SORCS3: variants seen among roughly 807,000 people sequenced by gnomAD.
SORCS3 encodes the protein VPS10 domain-containing receptor SorCS3.
A neutral mutation model predicts 146.3 loss-of-function variants in SORCS3; 57 were observed. The observed-to-expected ratio is 0.39, with a 90% CI of 0.31 to 0.49. The LOEUF (loss-of-function observed/expected upper bound fraction) is 0.49, where lower values mean the gene tolerates loss of function less well. SORCS3 is among the 20% of genes least tolerant of loss of function. SORCS3 has a pLI of 0.92. For missense variants in SORCS3, 1,341 were observed against 1,575.5 expected, an observed-to-expected ratio of 0.85 and a Z score of 2.52; for synonymous variants, 653 against 618.5, an observed-to-expected ratio of 1.06 and a Z score of -0.83.
At position 104,878,099 on chromosome 10, in the gene SORCS3, T is replaced by C. The variant is rs1217106923; in HGVS notation, c.695+35240T>C. ...ATTTGTTTATGAAATTCTTTTTTTTTTCCATTAGCTCAGGAACAAGAATGT... is the reference window on the plus strand; with the variant it reads ...ATTTGTTTATGAAATTCTTTTTTTTCTCCATTAGCTCAGGAACAAGAATGT... On this transcript the variant is annotated intron_variant, in intron 2 of 26. Transcript: ENST00000369701. Among the ~76,000 whole-genome samples, 4 of 152,168 alleles carry C rather than the reference T, an allele frequency of 2.6e-5. No homozygotes were observed. In the South Asian group the frequency reaches 8.3e-4, roughly 32 times the overall value.
intron 7 of SORCS3, among the ~76,000 whole-genome samples, chr10:105,108,489 G>A (rs1339206876): frequency 1.3e-5 from 2 of 152,118 alleles, no homozygotes; most frequent in Admixed American, 1.3e-4. Context: ...TGATAGAAAA[G>A]AGAAACCATC....
At chr10:104,745,908 G>T (rs866367746) in intron 1 of SORCS3, among the ~76,000 whole-genome samples, 3 of 152,060 alleles carry the variant, frequency 2.0e-5, no homozygotes, top group Non-Finnish European at 4.4e-5. Context: ...AAATGGCAGG[G>T]TTTCCTCTTT....
intron 2 of SORCS3, among the ~76,000 whole-genome samples, chr10:104,911,668 C>T (rs1192065157): frequency 1.3e-5 from 2 of 152,130 alleles, no homozygotes; most frequent in African/African-American, 4.8e-5. Context: ...CATAAGGGAC[C>T]TTAGGATTAT....
rs1269733145 is a variant in SORCS3, at chr10:104,650,545, A to G, written c.627+8591A>G. Among the ~76,000 whole-genome samples, 6 of 152,356 alleles carry G rather than the reference A, an allele frequency of 3.9e-5. No homozygotes were observed. The East Asian group carries it at 9.6e-4, about 24-fold the overall frequency. On this transcript the variant is annotated intron_variant, in intron 1 of 26. Coordinates refer to ENST00000369701, the MANE Select transcript of SORCS3 (RefSeq NM_014978.3). Reference sequence around the variant, plus strand: ...CAGTTAGATACTCAGACCATTAATGACCAAACTAACACTCTACAAATAGAT... The same window carrying G: ...CAGTTAGATACTCAGACCATTAATGGCCAAACTAACACTCTACAAATAGAT...
At position 104,857,138 on chromosome 10, in the gene SORCS3, G is replaced by A. The variant is rs536285001; in HGVS notation, c.695+14279G>A. Among the ~76,000 whole-genome samples, 44 of 150,332 alleles carry A rather than the reference G, an allele frequency of 2.9e-4. 1 individual carries two copies. In the South Asian group the frequency reaches 6.4e-3, roughly 22 times the overall value. ...AAGGAGTATAGTCAGATTAAATTCAGGAGGAGAGAATGTTCAGGGAAAATC... is the reference window on the plus strand; with the variant it reads ...AAGGAGTATAGTCAGATTAAATTCAAGAGGAGAGAATGTTCAGGGAAAATC... On this transcript the variant is annotated intron_variant, in intron 2 of 26. Coordinates refer to ENST00000369701, the MANE Select transcript of SORCS3 (RefSeq NM_014978.3).
chr10:104,985,586 G>C (rs1324233435), intron 4 of SORCS3, among the ~76,000 whole-genome samples: 1 of 152,032 alleles, frequency 6.6e-6, no homozygotes, highest in African/African-American at 2.4e-5. Context: ...AATTTACTTT[G>C]CCCAGATCCA....
intron 1 of SORCS3, chr10:104,822,156 C>G (rs1042243733): frequency 3.9e-6 from 2 of 509,204 alleles, no homozygotes; most frequent in Non-Finnish European, 7.8e-6. Context: ...GTTTCTGTAT[C>G]TGTATCTGAC....
chr10:105,093,080 T>A (rs1442784201), intron 6 of SORCS3, among the ~76,000 whole-genome samples: 1 of 152,204 alleles, frequency 6.6e-6, no homozygotes, highest in East Asian at 1.9e-4. Flanking sequence ...TCCTAAGGTA[T>A]CCATAAGAAA....
intron 1 of SORCS3, among the ~76,000 whole-genome samples, chr10:104,778,408 C>T (rs2017337349): frequency 6.6e-6 from 1 of 152,180 alleles, no homozygotes; most frequent in Non-Finnish European, 1.5e-5. Flanking sequence ...TTTGCCTATT[C>T]AGATAAATCT....
chr10:105,190,650 C>T (rs528743744), intron 14 of SORCS3, among the ~76,000 whole-genome samples: 4 of 152,152 alleles, frequency 2.6e-5, no homozygotes, highest in African/African-American at 9.7e-5. Context: ...GATCTGCCCA[C>T]CTCGGCCTCC....
At chr10:104,949,318 AAG>A (rs1486496875) in intron 3 of SORCS3, among the ~76,000 whole-genome samples, 5 of 152,192 alleles carry the variant, frequency 3.3e-5, no homozygotes, top group African/African-American at 1.2e-4. Flanking sequence ...GCCATGGGGA[AAG>A]AGAAATAGTT....
At position 105,111,614 on chromosome 10, in the gene SORCS3, C is replaced by T. The variant is rs148250163; in HGVS notation, c.1212+6099C>T. Among the ~76,000 whole-genome samples, 9 of 152,288 alleles carry T rather than the reference C, an allele frequency of 5.9e-5. No individual in the cohort carries two copies. The East Asian group carries it at 1.7e-3, about 29-fold the overall frequency. ...ACAATGTCTCTGCGTTTTTATAAAA[C>T]TGCTGTCCAGGAATTGCCCAATATA... On this transcript the variant is annotated intron_variant, in intron 7 of 26. Transcript: ENST00000369701.
chr10:104,887,057 A>C (rs1014451018), intron 2 of SORCS3, among the ~76,000 whole-genome samples: 2 of 152,234 alleles, frequency 1.3e-5, no homozygotes, highest in Admixed American at 6.5e-5. Flanking sequence ...AGGGAAAATA[A>C]TTCATTGTAG....
intron 19 of SORCS3, among the ~76,000 whole-genome samples, chr10:105,219,180 T>G (rs1306792014): frequency 6.6e-6 from 1 of 152,252 alleles, no homozygotes; most frequent in South Asian, 2.1e-4. Context: ...CACTCATGAC[T>G]ATGATTCATT....
At chr10:104,762,543 C>G (rs914480883) in intron 1 of SORCS3, among the ~76,000 whole-genome samples, 1 of 152,142 alleles carries the variant, frequency 6.6e-6, no homozygotes, top group African/African-American at 2.4e-5. Context: ...ATTAGAAACG[C>G]TTGGTGATAT....
At chr10:104,896,637 G>A (rs1472155869) in intron 2 of SORCS3, among the ~76,000 whole-genome samples, 1 of 152,208 alleles carries the variant, frequency 6.6e-6, no homozygotes, top group Non-Finnish European at 1.5e-5. Flanking sequence ...GCCAAATGTA[G>A]CCCACTTCTT....
chr10:105,099,390 G>GT (rs955867276), intron 6 of SORCS3, among the ~76,000 whole-genome samples: 2 of 147,188 alleles, frequency 1.4e-5, no homozygotes, highest in African/African-American at 5.0e-5. Context: ...ATCACAGAAA[G>GT]TTTTTTCTCT....
At chr10:104,931,172 G>C (rs760795058) in intron 3 of SORCS3, among the ~76,000 whole-genome samples, 21 of 149,944 alleles carry the variant, frequency 1.4e-4, no homozygotes, top group Non-Finnish European at 2.2e-4. Context: ...CTGAGTCTCA[G>C]GGGGGGAGTC....
intron 4 of SORCS3, among the ~76,000 whole-genome samples, chr10:105,022,063 A>G (rs55649877): frequency 6.6e-6 from 1 of 152,128 alleles, no homozygotes; most frequent in Non-Finnish European, 1.5e-5. Context: ...ATAAATAGGC[A>G]GAGCACAGAA....
Sources: allele counts gnomAD v4.1 joint callset (sites outside exome capture counted in the v4.1 genomes callset), GRCh38; gene constraint gnomAD v4.1.1; transcripts MANE v1.5; gene names NCBI Gene and HGNC (gene_info 2026-07-23, HGNC 2026-07-21).